Variants in THEMIS observed in about 807,000 individuals in gnomAD.
The protein encoded by THEMIS is protein THEMIS.
A neutral mutation model predicts 52.6 loss-of-function variants in THEMIS; 37 were observed. That is an observed-to-expected ratio of 0.70 (90% CI 0.54 to 0.93). The LOEUF (loss-of-function observed/expected upper bound fraction) is 0.93. Among genes scored for constraint, THEMIS ranks in the 40% least tolerant of loss-of-function variants. The probability of loss-of-function intolerance (pLI) is 0.00; values close to 1 mark genes in which losing one functional copy is unlikely to be tolerated. For missense variants in THEMIS, 808 were observed against 763.1 expected (o/e 1.06, Z -0.69); for synonymous variants, 292 against 272.7 (o/e 1.07, Z -0.70).
intron 1 of THEMIS, among the ~76,000 whole-genome samples, chr6:127,879,978 C>A (rs984793412): frequency 2.0e-5 from 3 of 152,172 alleles, no homozygotes; most frequent in South Asian, 4.1e-4. Context: ...CCCAGTCACG[C>A]AGGTTACAGC....
intron 3 of THEMIS, among the ~76,000 whole-genome samples, chr6:127,815,811 T>C (rs951890231): frequency 6.6e-6 from 1 of 152,124 alleles, no homozygotes; most frequent in Non-Finnish European, 1.5e-5. Flanking sequence ...AGGGAAGAGC[T>C]AGAGATTAGT....
intron 1 of THEMIS, among the ~76,000 whole-genome samples, chr6:127,881,800 C>T (rs1351227216): frequency 6.6e-6 from 1 of 151,800 alleles, no homozygotes; most frequent in Non-Finnish European, 1.5e-5. Flanking sequence ...AAATGTGTTC[C>T]ATTCAAGCAC....
At chr6:127,916,675 G>A (rs534776478) in intron 1 of THEMIS, among the ~76,000 whole-genome samples, 53 of 152,352 alleles carry the variant, frequency 3.5e-4, no homozygotes, top group Non-Finnish European at 5.7e-4. Context: ...TGCTTGCTGT[G>A]CTGTTAGATT....
intron 2 of THEMIS, among the ~76,000 whole-genome samples, chr6:127,851,203 C>A (rs1461656775): frequency 2.0e-5 from 3 of 150,594 alleles, no homozygotes; most frequent in Non-Finnish European, 4.4e-5. Context: ...AAAAGGAGAG[C>A]AGAGAGAGAG....
chr6:127,779,138 T>A (rs1444678008), intron 4 of THEMIS, among the ~76,000 whole-genome samples: 1 of 152,124 alleles, frequency 6.6e-6, no homozygotes, highest in African/African-American at 2.4e-5. Flanking sequence ...AAAAAGGTAG[T>A]TACTGAGCAC....
chr6:127,918,038 AT>A (rs1781561523), intron 1 of THEMIS, among the ~76,000 whole-genome samples: 1 of 152,178 alleles, frequency 6.6e-6, no homozygotes, highest in Admixed American at 6.5e-5. Context: ...ATAAGTATTG[AT>A]TTTTAAGAAT....
chr6:127,810,333 G>T (rs1283571901), intron 4 of THEMIS, among the ~76,000 whole-genome samples: 1 of 151,982 alleles, frequency 6.6e-6, no homozygotes, highest in Non-Finnish European at 1.5e-5. Context: ...CCTCCCAACT[G>T]CTATGGTTTA....
At chr6:127,849,952 C>A (rs977784569) in intron 2 of THEMIS, among the ~76,000 whole-genome samples, 1 of 152,060 alleles carries the variant, frequency 6.6e-6, no homozygotes, top group African/African-American at 2.4e-5. Context: ...AAACAGACAA[C>A]CCACAAAGTG....
Position 127,911,640 on chromosome 6 carries a change from A to G in THEMIS, c.-150+6788T>C, listed in dbSNP as rs536243189. Among the ~76,000 whole-genome samples the G allele has an allele frequency of 2.6e-5, 4 of 151,596 alleles. No homozygotes were observed. The East Asian group carries it at 7.7e-4, about 29-fold the overall frequency. ...ATATTGCCTACTCTAATCCAATACT[A>G]CATGGTTCATTCTAGCCTTCCTCCT... On this transcript the variant is annotated intron_variant, in intron 1 of 6. Coordinates refer to the THEMIS transcript ENST00000368250.
intron 4 of THEMIS, among the ~76,000 whole-genome samples, chr6:127,765,724 A>G (rs1377689159): frequency 1.3e-5 from 2 of 152,078 alleles, no homozygotes; most frequent in African/African-American, 2.4e-5. Flanking sequence ...AATTGCCTCC[A>G]GTATTCAGTA....
chr6:127,743,440 T>C (rs971298424), intron 4 of THEMIS, among the ~76,000 whole-genome samples: 1 of 151,982 alleles, frequency 6.6e-6, no homozygotes, highest in Non-Finnish European at 1.5e-5. Context: ...ATATGACTGG[T>C]GTTTAAGGGG....
the THEMIS span, among the ~76,000 whole-genome samples, chr6:127,697,013 A>T: frequency 2.0e-5 from 3 of 151,992 alleles, no homozygotes; most frequent in Admixed American, 2.0e-4. Flanking sequence ...GCCCACACAC[A>T]CATACACGTA....
intron 1 of THEMIS, among the ~76,000 whole-genome samples, chr6:127,869,646 A>G (rs1337927497): frequency 6.6e-6 from 1 of 152,220 alleles, no homozygotes; most frequent in African/African-American, 2.4e-5. Context: ...ATTTCTGGGA[A>G]GATGGAGTAG....
intron 4 of THEMIS, among the ~76,000 whole-genome samples, chr6:127,749,809 C>G (rs1775572599): frequency 6.6e-6 from 1 of 151,312 alleles, no homozygotes; most frequent in Non-Finnish European, 1.5e-5. Context: ...TTTATTAGAG[C>G]AAAATACATC....
At chr6:127,711,890 A>G (rs940290803) in intron 5 of THEMIS, among the ~76,000 whole-genome samples, 14 of 152,010 alleles carry the variant, frequency 9.2e-5, no homozygotes, top group African/African-American at 3.4e-4. Flanking sequence ...TCCTGAGTCT[A>G]CAACTTAACT....
intron 4 of THEMIS, among the ~76,000 whole-genome samples, chr6:127,760,508 C>G (rs544912661): frequency 5.2e-4 from 79 of 152,178 alleles, no homozygotes; most frequent in African/African-American, 1.5e-3. Context: ...CTTCCAAGCT[C>G]AGCATAGTGG....
At chr6:127,703,050 T>TTTTTTTTTTG in the THEMIS span, among the ~76,000 whole-genome samples, 1 of 117,166 alleles carries the variant, frequency 8.5e-6, no homozygotes, top group East Asian at 2.2e-4. Flanking sequence ...TTTTTTTTTT[T>TTTTTTTTTTG]TTTTTTTTTT....
chr6:127,729,964 C>T (rs1169403060), intron 4 of THEMIS, among the ~76,000 whole-genome samples: 1 of 152,062 alleles, frequency 6.6e-6, no homozygotes, highest in Non-Finnish European at 1.5e-5. Context: ...ACCTTGATGT[C>T]AAATTATTTT....
chr6:127,712,015 C>T (rs776865118), intron 5 of THEMIS, among the ~76,000 whole-genome samples: 11 of 152,004 alleles, frequency 7.2e-5, no homozygotes, highest in Middle Eastern at 6.8e-3. Flanking sequence ...AATGAGCTTG[C>T]AATTACTTTG....
Sources: gnomAD v4.1 joint callset for allele counts (sites outside exome capture counted in the v4.1 genomes callset) on GRCh38, gnomAD v4.1.1 for gene constraint, MANE v1.5 for transcripts, NCBI Gene and HGNC (gene_info 2026-07-23, HGNC 2026-07-21) for gene names.